Variants in MYH3 observed in about 807,000 individuals in gnomAD.
The protein encoded by MYH3 is myosin-3.
Under a neutral mutation model 238.0 loss-of-function variants are expected in MYH3, and 130 were observed. The observed-to-expected ratio is 0.55, with a 90% CI of 0.47 to 0.63. The LOEUF (loss-of-function observed/expected upper bound fraction) is 0.63, where lower values mean the gene tolerates loss of function less well. Among genes scored for constraint, MYH3 ranks in the 30% least tolerant of loss-of-function variants. MYH3 has a pLI of 0.00. For missense variants in MYH3, 1,853 were observed against 2,374.9 expected (o/e 0.78, Z 4.57); for synonymous variants, 880 against 924.1 (o/e 0.95, Z 0.86).
At chr17:10,650,603 T>C (rs1457059500) in intron 5 of MYH3, among the ~76,000 whole-genome samples, 11 of 152,230 alleles carry the variant, frequency 7.2e-5, no homozygotes, top group Admixed American at 7.2e-4. Flanking sequence ...TATTTGTATA[T>C]ATTTGTAGGG....
chr17:10,650,294 C>T lies in MYH3; in HGVS notation c.533+80G>A, dbSNP rs143686724. On this transcript the variant is annotated intron_variant, in intron 6 of 40. Transcript: ENST00000583535. The stretch of plus-strand genomic sequence containing the variant: ...CCCAGCCTGATCTTTTTATTATAGA[C>T]TCTGCTCCAAACACTTTCTAATGAA... 119 of 1,443,832 alleles carry T rather than the reference C, an allele frequency of 8.2e-5. No individual in the cohort carries two copies. The African/African-American group carries it at 1.5e-3, about 18-fold the overall frequency. 89.4% of individuals were successfully genotyped at this position (1,443,832 alleles called of 1,614,324 possible). A position where few individuals can be genotyped will look rare whatever the true frequency, so the allele number is the denominator to read the frequency against.
At chr17:10,641,539 G>A (rs1339818740) in intron 17 of MYH3, among the ~76,000 whole-genome samples, 167 bp from the exon 18 acceptor site, 3 of 138,874 alleles carry the variant, frequency 2.2e-5, no homozygotes, top group African/African-American at 8.3e-5. Flanking sequence ...TTTTGAGACG[G>A]AGTCTCGCTC....
Position 10,631,639 on chromosome 17 carries a change from T to C in MYH3, c.5258A>G (p.Glu1753Gly), listed in dbSNP as rs1375964638. ...EDASRDARNA[E>G]EKAKKAITDA... ...CGTGATGGCCTTCTTGGCCTTCTCC[T>C]CAGCGTTCCTTGCATCCCTGCTGGC... Residue 1753 changes from glutamate (E) to glycine (G), a missense_variant, in exon 36 of 41, where the codon GAG (glutamate) becomes GGG (glycine). Glu to Gly is a moderately conservative substitution (Grantham distance 98, BLOSUM62 -2). Around this residue, in one of 3 missense-constraint regions of MYH3, gnomAD observed 1,044 missense variants for 1,192.6 expected, o/e 0.88. Transcript: ENST00000583535. 1 of 1,614,184 alleles carries C rather than the reference T, an allele frequency of 6.2e-7. No homozygotes were observed. Among genetic ancestry groups the C allele is most frequent in the South Asian group, 1.1e-5 (1 of 91,076 alleles).
intron 33 of MYH3, 69 bp from the exon 34 acceptor site, chr17:10,632,853 A>G (rs1053433133): frequency 6.7e-7 from 1 of 1,495,018 alleles, no homozygotes; most frequent in South Asian, 1.1e-5. Flanking sequence ...ACCCTGCAGG[A>G]TAACAAAACT....
chr17:10,639,701 T>C lies in MYH3; in HGVS notation c.2784A>G (p.Glu928=). ...AKIKEVTERA[E]DEEEINAELT... ...GCTCAGCATTGATCTCCTCCTCATCTTCAGCTCTCTCTGTCACCTCCTTGA... is the reference window on the plus strand; with the variant it reads ...GCTCAGCATTGATCTCCTCCTCATCCTCAGCTCTCTCTGTCACCTCCTTGA... The change falls in exon 23 of 41, where the codon GAA becomes GAG. Residue 928 remains glutamate (E), a synonymous_variant. Transcript: ENST00000583535. The C allele has an allele frequency of 6.2e-7, 1 of 1,614,124 alleles. No individual in the cohort carries two copies. Among genetic ancestry groups the C allele is most frequent in the Non-Finnish European group, 8.5e-7 (1 of 1,180,034 alleles).
At position 10,639,572 on chromosome 17, in the gene MYH3, G is replaced by A. The variant is rs2074249054; in HGVS notation, c.2913C>T (p.Ala971=). 6.2e-7 allele frequency: 1 copy of A among 1,613,922 alleles called. No homozygotes were observed. The highest frequency in any genetic ancestry group is 1.3e-5 in the African/African-American group (1 of 74,882). The change falls in exon 23 of 41, where the codon GCC becomes GCT. Residue 971 remains alanine, a synonymous_variant. Coordinates refer to ENST00000583535, the MANE Select transcript of MYH3 (RefSeq NM_002470.4). ...ACAATAAGAATACCTTGTTCTCTGT[G>A]GCATGCTTCTCCTTCTCAACCTTGG... The part of the protein sequence containing the change: ...TLAKVEKEKH[A]TENKVKNLTE...
the MYH3 span, among the ~76,000 whole-genome samples, chr17:10,668,555 A>G: frequency 6.6e-6 from 1 of 152,226 alleles, no homozygotes; most frequent in Non-Finnish European, 1.5e-5. Flanking sequence ...GAACAATCTG[A>G]TGAGACATTT....
chr17:10,634,063 G>A lies in MYH3; in HGVS notation c.4476C>T (p.Ala1492=), dbSNP rs748018161. 3 of 1,614,170 alleles carry A rather than the reference G, an allele frequency of 1.9e-6. No individual in the cohort carries two copies. In the South Asian group the frequency reaches 3.3e-5, roughly 18 times the overall value. The change falls in exon 32 of 41, where the codon GCC becomes GCT. Residue 1492 remains alanine (A), a synonymous_variant. Coordinates refer to ENST00000583535, the MANE Select transcript of MYH3 (RefSeq NM_002470.4). ...GTTTCACAGTTTCAAGTTGATCTAA[G>A]GCTTCCTCGTAGGCATTTTTCAGTT... ...LFKLKNAYEE[A]LDQLETVKRE...
the MYH3 span, among the ~76,000 whole-genome samples, chr17:10,663,993 G>A: frequency 7.3e-5 from 11 of 150,052 alleles, 1 homozygote; most frequent in Admixed American, 2.0e-4. Flanking sequence ...AACCTGGGGG[G>A]CAGATGTTGC....
At chr17:10,673,014 T>A in the MYH3 span, 1 of 151,416 alleles carries the variant, frequency 6.6e-6, no homozygotes, top group African/African-American at 2.4e-5. Context: ...TTTCTTTTTT[T>A]TTTTTTTTGA....
intron 14 of MYH3, 99 bp from the exon 15 acceptor site, chr17:10,643,095 C>T: frequency 6.3e-7 from 1 of 1,594,622 alleles, no homozygotes; most frequent in Non-Finnish European, 8.6e-7. Flanking sequence ...CTGTCAAACA[C>T]ATTAATGCTT....
At chr17:10,630,618 G>A (rs2074146595) in intron 36 of MYH3, among the ~76,000 whole-genome samples, 160 bp from the exon 37 acceptor site, 2 of 152,184 alleles carry the variant, frequency 1.3e-5, no homozygotes, top group African/African-American at 2.4e-5. Flanking sequence ...GGGAGGCCAA[G>A]GCGGGTGGAT....
Position 10,649,570 on chromosome 17 carries a change from T to A in MYH3, c.642+7A>T, listed in dbSNP as rs373761443. On this transcript the variant is annotated splice_region_variant and intron_variant, in intron 7 of 40. Transcript: ENST00000583535. Reference sequence around the variant, plus strand: ...AAGCAAAGCAAGCCTTCCTCTCCCATCTATACCTTCATTTTGGAGTCCTTC... The same window carrying A: ...AAGCAAAGCAAGCCTTCCTCTCCCAACTATACCTTCATTTTGGAGTCCTTC... The A allele has an allele frequency of 5.8e-5, 94 of 1,608,030 alleles. No homozygotes were observed. The highest frequency in any genetic ancestry group is 7.7e-5 in the Non-Finnish European group (91 of 1,174,508).
At chr17:10,629,564 T>TG (rs147333978) in intron 40 of MYH3, 33 bp downstream of exon 40, 1,414 of 1,567,810 alleles carry the variant, frequency 9.0e-4, no homozygotes, top group South Asian at 3.7e-3. Flanking sequence ...CTACAGTCCC[T>TG]GGGGGGGGGC....
chr17:10,669,819 G>A, the MYH3 span, among the ~76,000 whole-genome samples: 1 of 152,156 alleles, frequency 6.6e-6, no homozygotes, highest in Non-Finnish European at 1.5e-5. Flanking sequence ...GCTGAGGTGA[G>A]AGGATTGCTT....
intron 1 of MYH3, among the ~76,000 whole-genome samples, chr17:10,656,531 C>G (rs1031661736): frequency 1.8e-5 from 2 of 111,440 alleles, no homozygotes; most frequent in Non-Finnish European, 3.4e-5. Context: ...GAGCAAAATT[C>G]TGTCTCAAAA....
chr17:10,632,641 G>A lies in MYH3; in HGVS notation c.4791C>T (p.Thr1597=), dbSNP rs765453226. 1 of 1,614,152 alleles carries A rather than the reference G, an allele frequency of 6.2e-7. No homozygotes were observed. Among genetic ancestry groups the A allele is most frequent in the Admixed American group, 1.7e-5 (1 of 60,024 alleles). The change falls in exon 34 of 41, where the codon ACC becomes ACT. Residue 1597 remains threonine (T), a synonymous_variant. Coordinates refer to ENST00000583535, the MANE Select transcript of MYH3 (RefSeq NM_002470.4). The part of the protein sequence containing the change: ...LKRNYQRTVE[T]MQSALDAEVR... ...CCTCGGCGTCCAGGGCGCTCTGCAT[G>A]GTTTCCACTGTTCTCTGGTAGTTCC...
chr17:10,659,135 G>C (rs1275508262), upstream of MYH3: 3 of 152,134 alleles, frequency 2.0e-5, no homozygotes, highest in Non-Finnish European at 4.4e-5. Flanking sequence ...AATGAAATAG[G>C]GGGCAATTTT....
At chr17:10,660,998 CAG>C (rs377103387), upstream of MYH3, among the ~76,000 whole-genome samples, 12 of 147,678 alleles carry the variant, frequency 8.1e-5, no homozygotes, top group African/African-American at 2.2e-4. Context: ...TTTTTTGAGA[CAG>C]AGTTTCACTC....
Sources: gnomAD v4.1 joint callset for allele counts (sites outside exome capture counted in the v4.1 genomes callset) on GRCh38, gnomAD v4.1.1 for gene constraint, gnomAD v4.1.1 regional missense constraint, MANE v1.5 for transcripts, NCBI Gene and HGNC (gene_info 2026-07-23, HGNC 2026-07-21) for gene names.